Variants in STARD9 observed in about 807,000 individuals in gnomAD.
STARD9 encodes StAR related lipid transfer domain containing 9, also known as stAR-related lipid transfer protein 9.
In STARD9, 346 loss-of-function variants were observed where a neutral mutation model predicts 399.8. That is an observed-to-expected ratio of 0.87 (90% CI 0.79 to 0.95). STARD9 has a LOEUF of 0.95. STARD9 is among the 40% of genes least tolerant of loss of function. The pLI is 0.00. For missense variants in STARD9, 5,832 were observed against 5,667.5 expected (o/e 1.03, Z -0.93); for synonymous variants, 2,203 against 2,143.5 (o/e 1.03, Z -0.77).
intron 20 of STARD9, among the ~76,000 whole-genome samples, chr15:42,679,185 G>C (rs1447655547): frequency 6.6e-6 from 1 of 152,172 alleles, no homozygotes; most frequent in Non-Finnish European, 1.5e-5. Context: ...TCTAGGATGG[G>C]CTCATGTTTG....
At chr15:42,713,098 A>C (rs1336143404) in intron 26 of STARD9, among the ~76,000 whole-genome samples, 1 of 152,130 alleles carries the variant, frequency 6.6e-6, no homozygotes, top group Admixed American at 6.6e-5. Flanking sequence ...CATTGTGTTT[A>C]TTTAGGTTTA....
chr15:42,582,296 T>A (rs888089360), intron 1 of STARD9, among the ~76,000 whole-genome samples: 1 of 152,242 alleles, frequency 6.6e-6, no homozygotes, highest in Non-Finnish European at 1.5e-5. Flanking sequence ...CTAGGAGTAA[T>A]TTAATTGATA....
At chr15:42,584,128 G>C (rs1462637888) in intron 2 of STARD9, among the ~76,000 whole-genome samples, 1 of 152,016 alleles carries the variant, frequency 6.6e-6, no homozygotes, top group Non-Finnish European at 1.5e-5. Context: ...AGCTGACCAT[G>C]TGACTTTTGC....
At chr15:42,620,055 A>AT (rs1566879508) in intron 3 of STARD9, among the ~76,000 whole-genome samples, 1 of 152,064 alleles carries the variant, frequency 6.6e-6, no homozygotes, top group Non-Finnish European at 1.5e-5. Context: ...CCAGGTGACC[A>AT]TCTCTTTCCC....
At position 42,682,251 on chromosome 15, in the gene STARD9, T is replaced by C. The variant is rs1383945996; in HGVS notation, c.2213T>C (p.Phe738Ser). The C allele has an allele frequency of 6.5e-7, 1 of 1,537,056 alleles. No individual in the cohort carries two copies. The highest frequency in any genetic ancestry group is 1.4e-5 in the African/African-American group (1 of 73,008). ...QTDPEIQPSP[F>S]VQSQKRVVHL... ...GATCCTGAGATTCAGCCATCCCCATTTGTCCAAAGTCAGAAAAGGGTGGTG... is the reference window on the plus strand; with the variant it reads ...GATCCTGAGATTCAGCCATCCCCATCTGTCCAAAGTCAGAAAAGGGTGGTG... The change falls in exon 22 of 33, where the codon TTT (phenylalanine) becomes TCT (serine). Residue 738 changes from phenylalanine to serine, a missense_variant. Coordinates refer to ENST00000290607, the MANE Select transcript of STARD9 (RefSeq NM_020759.3).
chr15:42,687,178 A>C lies in STARD9; in HGVS notation c.5600A>C (p.Glu1867Ala). ...CCCTCTACCAGCACAAAAGTATGTGAATTTGAAAACCAAGTTGTAATTTTA... is the reference window on the plus strand; with the variant it reads ...CCCTCTACCAGCACAAAAGTATGTGCATTTGAAAACCAAGTTGTAATTTTA... The part of the protein sequence containing the change: ...FLPSTSTKVC[E>A]FENQVVILNK... The change falls in exon 23 of 33, where the codon GAA becomes GCA. Residue 1867 changes from glutamate (E) to alanine (A), a missense_variant. Physicochemically the swap from Glu to Ala is moderately radical, Grantham distance 107. This residue lies in a region of STARD9 where 5,828 missense variants were observed against 5,651.1 expected (regional missense o/e 1.03). Coordinates refer to ENST00000290607, the MANE Select transcript of STARD9 (RefSeq NM_020759.3). The C allele has an allele frequency of 6.5e-7, 1 of 1,537,404 alleles. No individual in the cohort carries two copies. The highest frequency in any genetic ancestry group is 8.7e-7 in the Non-Finnish European group (1 of 1,146,936).
At chr15:42,632,882 C>T (rs1199274114) in intron 3 of STARD9, among the ~76,000 whole-genome samples, 1 of 152,016 alleles carries the variant, frequency 6.6e-6, no homozygotes, top group Non-Finnish European at 1.5e-5. Flanking sequence ...GTGGCGCACA[C>T]CTGTAATCCC....
chr15:42,651,679 A>T (rs1388911277), intron 8 of STARD9, among the ~76,000 whole-genome samples: 1 of 152,042 alleles, frequency 6.6e-6, no homozygotes, highest in Non-Finnish European at 1.5e-5. Context: ...CCTTCTATTT[A>T]TCCTGTTAAT....
chr15:42,612,143 A>G (rs2058863511), intron 3 of STARD9, among the ~76,000 whole-genome samples: 1 of 152,078 alleles, frequency 6.6e-6, no homozygotes. Flanking sequence ...ACACCTGGCT[A>G]ATCTTTATAT....
chr15:42,665,419 AT>A, intron 14 of STARD9, 89 bp downstream of exon 14: 1 of 1,032,376 alleles, frequency 9.7e-7, no homozygotes, highest in South Asian at 1.4e-5. Context: ...GCCCTGCTGC[AT>A]TCTATGTTCT....
chr15:42,679,237 A>C (rs2060376507), intron 20 of STARD9, among the ~76,000 whole-genome samples: 1 of 152,242 alleles, frequency 6.6e-6, no homozygotes. Flanking sequence ...TTGGAGCAGT[A>C]ATACAAGCAT....
At position 42,686,256 on chromosome 15, in the gene STARD9, G is replaced by C; in HGVS notation, c.4678G>C (p.Glu1560Gln). The C allele has an allele frequency of 6.5e-7, 1 of 1,537,760 alleles. No homozygotes were observed. The highest frequency in any genetic ancestry group is 8.7e-7 in the Non-Finnish European group (1 of 1,147,026). Reference sequence around the variant, plus strand: ...GTCCAGAATCAGGCGTTTGAGGGCAGAGAAAGAACAGGACAGTTTAAATGC... The same window carrying C: ...GTCCAGAATCAGGCGTTTGAGGGCACAGAAAGAACAGGACAGTTTAAATGC... ...HLSRIRRLRA[E>Q]KEQDSLNAKL... Residue 1560 changes from glutamate (E) to glutamine (Q), a missense_variant, in exon 23 of 33, where the codon GAG becomes CAG. Physicochemically the swap from Glu to Gln is conservative, Grantham distance 29. This residue lies in a region of STARD9 where 5,828 missense variants were observed against 5,651.1 expected (regional missense o/e 1.03). Coordinates refer to ENST00000290607, the MANE Select transcript of STARD9 (RefSeq NM_020759.3).
intron 3 of STARD9, among the ~76,000 whole-genome samples, chr15:42,589,542 A>G (rs986801461): frequency 1.3e-5 from 2 of 152,038 alleles, no homozygotes; most frequent in African/African-American, 2.4e-5. Context: ...TAAAAATGGA[A>G]TCAAACAGTA....
Position 42,668,391 on chromosome 15 carries a change from T to C in STARD9, c.1318-767T>C, listed in dbSNP as rs189800151. 4.1e-3 allele frequency among the ~76,000 whole-genome samples: 629 copies of C among 152,100 alleles called. 2 individuals carry two copies. Among genetic ancestry groups the C allele is most frequent in the Non-Finnish European group, 6.9e-3 (466 of 67,968 alleles). On this transcript the variant is annotated intron_variant, in intron 15 of 32. Transcript: ENST00000290607. ...GCTAAATCTAATTTTTTTTTTTTTT[T>C]CTGAGCTTCCTCAGTTCTTCCATTC...
chr15:42,600,757 T>TCAGGTGATCTG (rs912598866), intron 3 of STARD9, among the ~76,000 whole-genome samples: 1 of 151,994 alleles, frequency 6.6e-6, no homozygotes, highest in Non-Finnish European at 1.5e-5. Context: ...ACTCCTGACC[T>TCAGGTGATCTG]CAGGTGATCT....
In STARD9 at chr15:42,694,509, G is replaced by A. The variant is rs758653146; in HGVS notation, c.12765-19G>A. 81 of 1,536,590 alleles carry A rather than the reference G, an allele frequency of 5.3e-5. No individual in the cohort carries two copies. The highest frequency in any genetic ancestry group is 6.6e-5 in the Non-Finnish European group (76 of 1,146,558). Reference sequence around the variant, plus strand: ...AAGGACATTCAGGGCCAGCTTCAGCGAATCGTGTTTTGCCTCAGGCAAAAA... The same window carrying A: ...AAGGACATTCAGGGCCAGCTTCAGCAAATCGTGTTTTGCCTCAGGCAAAAA... On this transcript the variant is annotated intron_variant, in intron 23 of 32. Coordinates refer to ENST00000290607, the MANE Select transcript of STARD9 (RefSeq NM_020759.3).
At chr15:42,593,305 G>A (rs2058436856) in intron 3 of STARD9, among the ~76,000 whole-genome samples, 1 of 151,910 alleles carries the variant, frequency 6.6e-6, no homozygotes, top group African/African-American at 2.4e-5. Flanking sequence ...GGAATCCTCT[G>A]CTCCGGCGTA....
intron 27 of STARD9, 54 bp from the exon 28 acceptor site, chr15:42,716,873 T>C: frequency 6.5e-7 from 1 of 1,535,802 alleles, no homozygotes; most frequent in Non-Finnish European, 8.7e-7. Flanking sequence ...GCTGTTGCTG[T>C]CCTGAGGCCC....
At chr15:42,707,180 C>A (rs2061106505) in intron 26 of STARD9, among the ~76,000 whole-genome samples, 1 of 152,020 alleles carries the variant, frequency 6.6e-6, no homozygotes, top group African/African-American at 2.4e-5. Flanking sequence ...ATTAAGTTGG[C>A]AAAATTTAGG....
Sources: allele counts gnomAD v4.1 joint callset (sites outside exome capture counted in the v4.1 genomes callset), GRCh38; gene constraint gnomAD v4.1.1; regional missense constraint gnomAD v4.1.1; transcripts MANE v1.5; gene names NCBI Gene and HGNC (gene_info 2026-07-23, HGNC 2026-07-21).